AHCY: variants seen among roughly 807,000 people sequenced by gnomAD.
The protein encoded by AHCY is S-adenosyl-L-homocysteine hydrolase.
A neutral mutation model predicts 45.4 loss-of-function variants in AHCY; 24 were observed. The observed-to-expected ratio is 0.53, with a 90% CI of 0.38 to 0.74. AHCY has a LOEUF of 0.74. AHCY is among the 30% of genes least tolerant of loss of function. The pLI is 0.00. For synonymous variants in AHCY, 245 were observed against 235.1 expected (o/e 1.04, Z -0.39); for missense variants, 449 against 594.1 (o/e 0.76, Z 2.54).
chr20:34,295,526 G>T lies in AHCY; in HGVS notation c.88C>A (p.Pro30Thr). 2 of 1,614,104 alleles carry T rather than the reference G, an allele frequency of 1.2e-6. No individual in the cohort carries two copies. Among genetic ancestry groups the T allele is most frequent in the African/African-American group, 2.7e-5 (2 of 75,062 alleles). ...KALDIAENEM[P>T]GLMRMRERYS... is the part of the protein sequence containing the mutation. ...CGCTCCCGCATACGCATCAGGCCCG[G>T]CATCTCGTTCTCAGCAATGTCCAGG... The change falls in exon 2 of 10, where the codon CCG (proline) becomes ACG (threonine). Residue 30 changes from proline (P) to threonine (T), a missense_variant. Physicochemically the swap from Pro to Thr is conservative, Grantham distance 38 (BLOSUM62 -1). Coordinates refer to ENST00000217426, the MANE Select transcript of AHCY (RefSeq NM_000687.4).
chr20:34,270,478 T>C, the AHCY span, among the ~76,000 whole-genome samples: 1 of 152,166 alleles, frequency 6.6e-6, no homozygotes, highest in South Asian at 2.1e-4. Context: ...ATTGGGAAGA[T>C]ACCGCAGTCA....
chr20:34,279,230 T>C (rs767234482), downstream of AHCY, among the ~76,000 whole-genome samples: 1 of 148,992 alleles, frequency 6.7e-6, no homozygotes. Flanking sequence ...CTGGCTAACA[T>C]GGTGAAACCC....
the AHCY span, among the ~76,000 whole-genome samples, chr20:34,233,543 A>G: frequency 6.6e-6 from 1 of 152,336 alleles, no homozygotes; most frequent in East Asian, 1.9e-4. Flanking sequence ...TGAATAAACT[A>G]AAAACCTTCC....
At chr20:34,261,506 C>A in the AHCY span, among the ~76,000 whole-genome samples, 2 of 152,152 alleles carry the variant, frequency 1.3e-5, no homozygotes, top group Admixed American at 1.3e-4. Flanking sequence ...TGGTAGCATG[C>A]GCCTGTAGTC....
At chr20:34,259,374 G>C in the AHCY span, among the ~76,000 whole-genome samples, 1 of 151,980 alleles carries the variant, frequency 6.6e-6, no homozygotes, top group Non-Finnish European at 1.5e-5. Context: ...TTAGCCAGGT[G>C]TGGTGGTGGG....
rs60098359 is a variant in AHCY at position 34,294,024 on chromosome 20, G to A, written c.295+57C>T. 11 of 1,551,186 alleles carry A rather than the reference G, an allele frequency of 7.1e-6. No homozygotes were observed. In the South Asian group the frequency reaches 1.2e-4, roughly 17 times the overall value. ...GTCTGTTGCTCTAGCAGTCAGTGAA[G>A]CAAAGAGGGCAGAATCCCTTCACAA... On this transcript the variant is annotated intron_variant, in intron 3 of 9. Coordinates refer to ENST00000217426, the MANE Select transcript of AHCY (RefSeq NM_000687.4).
upstream of AHCY, among the ~76,000 whole-genome samples, chr20:34,305,302 C>T (rs1037014313): frequency 1.3e-5 from 2 of 151,748 alleles, no homozygotes; most frequent in Admixed American, 6.6e-5. Flanking sequence ...CCGGCCTGGG[C>T]GACGGAGGGA....
the AHCY span, among the ~76,000 whole-genome samples, chr20:34,254,831 A>C: frequency 5.9e-5 from 9 of 152,298 alleles, no homozygotes; most frequent in South Asian, 1.4e-3. Flanking sequence ...ATCCCTCCAG[A>C]ATTGAGGTAA....
At chr20:34,279,223 G>C (rs1192424191), downstream of AHCY, among the ~76,000 whole-genome samples, 1 of 150,992 alleles carries the variant, frequency 6.6e-6, no homozygotes, top group Non-Finnish European at 1.5e-5. Context: ...GACCATCCTG[G>C]CTAACATGGT....
At chr20:34,302,917 C>T in intron 1 of AHCY, 1 of 985,482 alleles carries the variant, frequency 1.0e-6, no homozygotes, top group Non-Finnish European at 1.2e-6. Context: ...GCCCCCCGAG[C>T]AGGGTCCGGC....
chr20:34,258,700 A>ATATATATATATATAT, the AHCY span, among the ~76,000 whole-genome samples: 3 of 77,918 alleles, frequency 3.9e-5, no homozygotes, highest in African/African-American at 1.4e-4. Flanking sequence ...TACATACTAT[A>ATATATATATATATAT]TATATATATT....
At chr20:34,304,779 C>A (rs1394356303), upstream of AHCY, among the ~76,000 whole-genome samples, 7 of 151,950 alleles carry the variant, frequency 4.6e-5, no homozygotes, top group Non-Finnish European at 1.0e-4. Flanking sequence ...ACCTCTGCCT[C>A]CCGGATTCAA....
chr20:34,307,671 C>T (rs2036909990), upstream of AHCY, among the ~76,000 whole-genome samples: 1 of 152,220 alleles, frequency 6.6e-6, no homozygotes, highest in African/African-American at 2.4e-5. Flanking sequence ...CGTGCCCAGC[C>T]CCCTGTGTTT....
the AHCY span, among the ~76,000 whole-genome samples, chr20:34,246,980 T>C: frequency 1.3e-5 from 2 of 150,374 alleles, no homozygotes; most frequent in African/African-American, 4.9e-5. Context: ...TTGTTGTTGG[T>C]TTTTGTTTTT....
At chr20:34,253,575 G>A in the AHCY span, among the ~76,000 whole-genome samples, 1 of 151,726 alleles carries the variant, frequency 6.6e-6, no homozygotes, top group Non-Finnish European at 1.5e-5. Context: ...CGGTTCAAGC[G>A]ATTCTTCTGC....
chr20:34,256,828 A>G, the AHCY span, among the ~76,000 whole-genome samples: 1 of 151,972 alleles, frequency 6.6e-6, no homozygotes, highest in Non-Finnish European at 1.5e-5. Flanking sequence ...CAGGCTGGGT[A>G]ACAGTGCAGT....
At chr20:34,303,394 G>T (rs819146), upstream of AHCY, 1,172,799 of 1,379,294 alleles carry the variant, frequency 0.85, 510,108 homozygotes, top group Non-Finnish European at 0.89. Context: ...TATCTTCCTC[G>T]CACTTGCATA....
chr20:34,252,565 G>A, the AHCY span, among the ~76,000 whole-genome samples: 1 of 152,172 alleles, frequency 6.6e-6, no homozygotes, highest in Non-Finnish European at 1.5e-5. Flanking sequence ...AGAATAAAAT[G>A]AATGGGAATG....
Position 34,294,093 on chromosome 20 carries a change from C to A in AHCY, c.283G>T (p.Ala95Ser). 6.2e-7 allele frequency: 1 copy of A among 1,614,190 alleles called. No individual in the cohort carries two copies. Among genetic ancestry groups the A allele is most frequent in the African/African-American group, 1.3e-5 (1 of 75,064 alleles). ...AAGCAGGACTTACCCGGAATGCCAG[C>A]CTTGGCAATGGCAGCCGCCGCATGG... ...QDHAAAAIAKAGIPVYAWKGE... is the reference protein window; with the variant it reads ...QDHAAAAIAKSGIPVYAWKGE... Residue 95 changes from alanine to serine, a missense_variant, in exon 3 of 10, where the codon GCT becomes TCT. Physicochemically the swap from Ala to Ser is moderately conservative, Grantham distance 99. Coordinates refer to ENST00000217426, the MANE Select transcript of AHCY (RefSeq NM_000687.4).
Sources: allele counts gnomAD v4.1 joint callset (sites outside exome capture counted in the v4.1 genomes callset), GRCh38; gene constraint gnomAD v4.1.1; transcripts MANE v1.5; gene names NCBI Gene and HGNC (gene_info 2026-07-23, HGNC 2026-07-21).